The following RAPGEF1 variants were observed in gnomAD, a reference collection of about 807,000 sequenced individuals.
RAPGEF1 encodes Rap guanine nucleotide exchange factor 1.
In RAPGEF1, 33 loss-of-function variants were observed where a neutral mutation model predicts 143.3. The observed-to-expected ratio is 0.23, with a 90% CI of 0.17 to 0.31. RAPGEF1 has a LOEUF of 0.31. Ranked by LOEUF, RAPGEF1 falls within the 10% of genes least tolerant of loss-of-function variation. The pLI, the probability that RAPGEF1 is intolerant of heterozygous loss-of-function variation, is 1.00. For synonymous variants in RAPGEF1, 629 were observed against 676.5 expected, an observed-to-expected ratio of 0.93 and a Z score of 1.09; for missense variants, 1,199 against 1,645.4, an observed-to-expected ratio of 0.73 and a Z score of 4.69.
intron 1 of RAPGEF1, among the ~76,000 whole-genome samples, chr9:131,694,935 C>T (rs201683648): frequency 6.7e-6 from 1 of 149,912 alleles, no homozygotes; most frequent in Non-Finnish European, 1.5e-5. Context: ...TCTCCTAATG[C>T]TATCCCTTCC....
intron 1 of RAPGEF1, among the ~76,000 whole-genome samples, chr9:131,665,014 A>T (rs1830202427): frequency 6.6e-6 from 1 of 152,232 alleles, no homozygotes; most frequent in Non-Finnish European, 1.5e-5. Flanking sequence ...AAGAGAAGTG[A>T]AGGAGCTAGG....
intron 1 of RAPGEF1, among the ~76,000 whole-genome samples, chr9:131,673,635 T>C (rs1054015116): frequency 1.3e-5 from 2 of 152,162 alleles, no homozygotes; most frequent in Non-Finnish European, 2.9e-5. Context: ...CCTCTGCAGA[T>C]GGTTAGAAAG....
At chr9:131,646,384 C>T (rs1485605363) in intron 3 of RAPGEF1, among the ~76,000 whole-genome samples, 4 of 152,198 alleles carry the variant, frequency 2.6e-5, no homozygotes, top group Non-Finnish European at 4.4e-5. Flanking sequence ...TTGAGATCCC[C>T]TGGTCAAAAA....
chr9:131,649,061 C>T (rs575748938), intron 3 of RAPGEF1, among the ~76,000 whole-genome samples: 2 of 152,274 alleles, frequency 1.3e-5, no homozygotes, highest in South Asian at 4.1e-4. Flanking sequence ...GAGACAGAGT[C>T]TCACTCTGTT....
intron 1 of RAPGEF1, among the ~76,000 whole-genome samples, chr9:131,696,243 G>C (rs1049012730): frequency 1.3e-4 from 20 of 152,204 alleles, no homozygotes; most frequent in African/African-American, 4.6e-4. Context: ...GATGACACCT[G>C]AGTGTGAATA....
In RAPGEF1 at chr9:131,657,691, C is replaced by A. The variant is rs192934185; in HGVS notation, c.62-6742G>T. Among the ~76,000 whole-genome samples the A allele has an allele frequency of 1.3e-4, 20 of 152,174 alleles. No homozygotes were observed. The East Asian group carries it at 3.9e-3, about 29-fold the overall frequency. Reference sequence around the variant, plus strand: ...ACTGTGAGTTAACTGTGTAAACAGCCCCTGGGGCTGGTGACTGGCACACTG... The same window carrying A: ...ACTGTGAGTTAACTGTGTAAACAGCACCTGGGGCTGGTGACTGGCACACTG... On this transcript the variant is annotated intron_variant, in intron 1 of 26. Transcript: ENST00000683357.
At chr9:131,673,905 G>A (rs372211034) in intron 1 of RAPGEF1, among the ~76,000 whole-genome samples, 18 of 152,306 alleles carry the variant, frequency 1.2e-4, no homozygotes, top group African/African-American at 2.6e-4. Flanking sequence ...CAGTCCCCAT[G>A]TCCTCAGATC....
In RAPGEF1 at chr9:131,598,344, A is replaced by C. The variant is rs372210862; in HGVS notation, c.2502-34T>G. ...AGAAGTGGTTTGTGTTGCAAGTGTC[A>C]AACCGGCTCAGCTCCCGATGCCTGG... On this transcript the variant is annotated intron_variant, in intron 15 of 26. Coordinates refer to ENST00000683357, the MANE Select transcript of RAPGEF1 (RefSeq NM_001377935.1). The C allele has an allele frequency of 5.1e-5, 81 of 1,581,044 alleles. No homozygotes were observed. In the African/African-American group the frequency reaches 9.2e-4, roughly 18 times the overall value.
At chr9:131,618,302 A>G (rs965977045) in intron 12 of RAPGEF1, among the ~76,000 whole-genome samples, 5 of 152,304 alleles carry the variant, frequency 3.3e-5, no homozygotes, top group South Asian at 2.1e-4. Flanking sequence ...AATCAGCCCC[A>G]TTGTCTCAGC....
intron 5 of RAPGEF1, among the ~76,000 whole-genome samples, chr9:131,632,028 T>C (rs1157732452): frequency 6.6e-6 from 1 of 152,176 alleles, no homozygotes; most frequent in Admixed American, 6.5e-5. Flanking sequence ...CCTAGCACTC[T>C]GGAAGGCTGA....
At chr9:131,676,056 A>G (rs1351916008) in intron 1 of RAPGEF1, among the ~76,000 whole-genome samples, 1 of 152,132 alleles carries the variant, frequency 6.6e-6, no homozygotes, top group African/African-American at 2.4e-5. Flanking sequence ...CTGGCCTCAC[A>G]GTCTTAATCA....
intron 12 of RAPGEF1, 133 bp from the exon 13 acceptor site, chr9:131,605,321 C>T (rs1457624139): frequency 3.7e-6 from 3 of 810,190 alleles, no homozygotes; most frequent in African/African-American, 1.8e-5. Context: ...CCAATCACGC[C>T]AAGCAACCCC....
At chr9:131,727,334 C>T (rs1210682788) in intron 1 of RAPGEF1, among the ~76,000 whole-genome samples, 2 of 152,168 alleles carry the variant, frequency 1.3e-5, no homozygotes, top group Admixed American at 1.3e-4. Context: ...CATGTCCACA[C>T]ATAATGAATC....
At chr9:131,638,895 T>C in intron 4 of RAPGEF1, 104 bp from the exon 5 acceptor site, 4 of 1,220,772 alleles carry the variant, frequency 3.3e-6, no homozygotes, top group East Asian at 2.6e-5. Flanking sequence ...CCAACTTTCT[T>C]TGTGCAAAAT....
At chr9:131,640,172 G>GTGCTTCT (rs1169616414) in intron 4 of RAPGEF1, among the ~76,000 whole-genome samples, 4 of 152,238 alleles carry the variant, frequency 2.6e-5, no homozygotes, top group Non-Finnish European at 5.9e-5. Flanking sequence ...TCCGGGGGTT[G>GTGCTTCT]GACCAGAGCT....
intron 10 of RAPGEF1, 78 bp from the exon 11 acceptor site, chr9:131,622,076 G>T: frequency 7.3e-7 from 1 of 1,365,562 alleles, no homozygotes; most frequent in Non-Finnish European, 1.0e-6. Context: ...TCTTCCCACA[G>T]CAGCTAGGGG....
intron 1 of RAPGEF1, among the ~76,000 whole-genome samples, chr9:131,687,492 G>T (rs186814539): frequency 4.6e-5 from 7 of 152,200 alleles, no homozygotes; most frequent in Non-Finnish European, 1.0e-4. Flanking sequence ...ATCGCACCCG[G>T]CCTTGCATAG....
At position 131,650,034 on chromosome 9, in the gene RAPGEF1, T is replaced by A; in HGVS notation, c.315+95A>T. The A allele has an allele frequency of 1.0e-6, 1 of 964,514 alleles. No homozygotes were observed. Among genetic ancestry groups the A allele is most frequent in the Non-Finnish European group, 1.6e-6 (1 of 640,822 alleles). The allele number at this position is 964,514 out of a possible 1,614,324, so 59.7% of individuals were successfully genotyped here. A position where few individuals can be genotyped will look rare whatever the true frequency, so the allele number is the denominator to read the frequency against. On this transcript the variant is annotated intron_variant, in intron 3 of 26. Coordinates refer to ENST00000683357, the MANE Select transcript of RAPGEF1 (RefSeq NM_001377935.1). The surrounding 1 kb of genome is among the most constrained non-coding windows in gnomAD (Gnocchi z 4.7). ...GTCACCACCCAGTTGAACATAATAA[T>A]AGTGCAATAGAGTTTTTTCCATCCC...
chr9:131,607,019 A>C (rs973391013), intron 12 of RAPGEF1, among the ~76,000 whole-genome samples: 10 of 152,212 alleles, frequency 6.6e-5, no homozygotes, highest in African/African-American at 2.4e-4. Context: ...CTGTGTGTAC[A>C]GCCGTGGCCC....
Sources: allele counts gnomAD v4.1 joint callset (sites outside exome capture counted in the v4.1 genomes callset), GRCh38; gene constraint gnomAD v4.1.1; non-coding constraint Gnocchi (gnomAD v3.1); transcripts MANE v1.5; gene names NCBI Gene and HGNC (gene_info 2026-07-23, HGNC 2026-07-21).